The following ATR variants were observed in gnomAD, a reference collection of about 807,000 sequenced individuals.
The protein encoded by ATR is serine/threonine-protein kinase ATR.
Under a neutral mutation model 305.3 loss-of-function variants are expected in ATR, and 142 were observed. That is an observed-to-expected ratio of 0.47 (90% confidence interval 0.41 to 0.53). The LOEUF is 0.53. ATR is among the 20% of genes least tolerant of loss of function. The pLI, the probability that ATR is intolerant of heterozygous loss-of-function variation, is 0.00. For missense variants in ATR, 2,135 were observed against 3,133.1 expected (o/e 0.68, Z 7.60); for synonymous variants, 1,050 against 1,068.1 (o/e 0.98, Z 0.33).
At chr3:142,503,495 A>G (rs1160605370) in intron 29 of ATR, 42 bp from the exon 30 acceptor site, 6 of 1,333,738 alleles carry the variant, frequency 4.5e-6, no homozygotes, top group Non-Finnish European at 6.4e-6. Context: ...TATCACTTCA[A>G]TAATAGCTTG....
At chr3:142,512,792 T>C (rs908012593) in intron 26 of ATR, among the ~76,000 whole-genome samples, 1 of 151,898 alleles carries the variant, frequency 6.6e-6, no homozygotes, top group Non-Finnish European at 1.5e-5. Context: ...GAGGTGGAGG[T>C]TGCAGTGAGC....
intron 16 of ATR, among the ~76,000 whole-genome samples, chr3:142,543,656 C>CT (rs1273346626): frequency 6.7e-6 from 1 of 149,872 alleles, no homozygotes; most frequent in Non-Finnish European, 1.5e-5. Flanking sequence ...CTTTCTCTCT[C>CT]TTTTTTCTTT....
chr3:142,508,023 G>T lies in ATR; in HGVS notation c.4939C>A (p.Arg1647Ser). The T allele has an allele frequency of 6.2e-7, 1 of 1,613,150 alleles. No individual in the cohort carries two copies. Among genetic ancestry groups the T allele is most frequent in the Non-Finnish European group, 8.5e-7 (1 of 1,179,628 alleles). ...ACAGCTCGTGTGTATGCTTTGGAGC[G>T]AAAGGAAGCTACTGCCAGAGTATCC... The part of the protein sequence containing the change: ...PQDTLAVASF[R>S]SKAYTRAVMH... The change falls in exon 28 of 47, where the codon CGC becomes AGC. Residue 1647 changes from arginine to serine, a missense_variant. Physicochemically the swap from Arg to Ser is moderately radical, Grantham distance 110 (BLOSUM62 -1). Transcript: ENST00000350721.
chr3:142,479,734 T>C (rs1310068155), intron 36 of ATR, among the ~76,000 whole-genome samples: 3 of 152,222 alleles, frequency 2.0e-5, no homozygotes, highest in African/African-American at 4.8e-5. Flanking sequence ...CAATCAGACA[T>C]AGATTTGGTC....
chr3:142,519,645 A>G lies in ATR; in HGVS notation c.4382+24T>C, dbSNP rs2033057767. ...ATATAATTAAAAACAATTTTATGAA[A>G]ATACATTAAATAAGCCTACATACCT... On this transcript the variant is annotated intron_variant, in intron 24 of 46. Transcript: ENST00000350721. 3.2e-6 allele frequency: 5 copies of G among 1,560,468 alleles called. No homozygotes were observed. In the Admixed American group the frequency reaches 8.4e-5, roughly 26 times the overall value.
At chr3:142,508,652 G>A (rs1473197272) in intron 27 of ATR, among the ~76,000 whole-genome samples, 1 of 152,150 alleles carries the variant, frequency 6.6e-6, no homozygotes, top group Non-Finnish European at 1.5e-5. Flanking sequence ...GGCTGGGCAT[G>A]ATGGTTCACG....
chr3:142,549,486 T>C lies in ATR; in HGVS notation c.3164A>G (p.Tyr1055Cys). Reference sequence around the variant, plus strand: ...ATAGAAATATTCAATTACCTTCAGATAATGAAGGGCACGTTCTAATTCATC... The same window carrying C: ...ATAGAAATATTCAATTACCTTCAGACAATGAAGGGCACGTTCTAATTCATC... ...SKDELERALH[Y>C]LKNETEIELG... is the part of the protein sequence containing the mutation. Residue 1055 changes from tyrosine to cysteine, a missense_variant, in exon 15 of 47, where the codon TAT becomes TGT. Physicochemically the swap from Tyr to Cys is radical, Grantham distance 194 (BLOSUM62 -2). Around this residue, in one of 9 missense-constraint regions of ATR, gnomAD observed 530 missense variants for 766.8 expected, o/e 0.69. Transcript: ENST00000350721. 2 of 1,583,474 alleles carry C rather than the reference T, an allele frequency of 1.3e-6. No homozygotes were observed. The highest frequency in any genetic ancestry group is 8.6e-7 in the Non-Finnish European group (1 of 1,163,916).
At chr3:142,470,572 C>T (rs769519026) in intron 36 of ATR, among the ~76,000 whole-genome samples, 3 of 152,028 alleles carry the variant, frequency 2.0e-5, no homozygotes, top group African/African-American at 7.2e-5. Context: ...ACTTGGTCAC[C>T]CTAAATCCAT....
chr3:142,526,651 G>A (rs901681322), intron 21 of ATR, among the ~76,000 whole-genome samples: 4 of 151,746 alleles, frequency 2.6e-5, no homozygotes, highest in Non-Finnish European at 4.4e-5. Flanking sequence ...AAGTCTATTC[G>A]GCATCTATGG....
At position 142,482,980 on chromosome 3, in the gene ATR, CCTTT is replaced by C. The variant is rs755251770; in HGVS notation, c.6221+2156_6221+2159del. Among the ~76,000 whole-genome samples, 6 of 150,168 alleles carry C rather than the reference CCTTT, an allele frequency of 4.0e-5. No homozygotes were observed. In the South Asian group the frequency reaches 8.4e-4, roughly 21 times the overall value. On this transcript the variant is annotated intron_variant, in intron 36 of 46. Coordinates refer to ENST00000350721, the MANE Select transcript of ATR (RefSeq NM_001184.4). Reference sequence around the variant, plus strand: ...CAGGAGATCCTGAGAACATATGCCCCCTTTCTTTCTTTTTTTTTTTTCTTTCTTT... The same window carrying C: ...CAGGAGATCCTGAGAACATATGCCCCCTTTCTTTTTTTTTTTTCTTTCTTT...
intron 42 of ATR, among the ~76,000 whole-genome samples, chr3:142,460,780 A>T (rs1458561620): frequency 6.6e-6 from 1 of 152,188 alleles, no homozygotes; most frequent in African/African-American, 2.4e-5. Context: ...TATGAACTTT[A>T]AAAACGTCTT....
intron 16 of ATR, among the ~76,000 whole-genome samples, chr3:142,545,342 A>T (rs2034227941): frequency 6.6e-6 from 1 of 150,734 alleles, no homozygotes; most frequent in South Asian, 2.1e-4. Context: ...AATCTAAAGA[A>T]TGAGAAAGAT....
intron 21 of ATR, among the ~76,000 whole-genome samples, chr3:142,527,950 CAAG>C (rs1278852199): frequency 2.0e-5 from 3 of 152,158 alleles, no homozygotes; most frequent in Non-Finnish European, 4.4e-5. Flanking sequence ...TCTGTTTATT[CAAG>C]AATACCAAAG....
chr3:142,542,921 C>T (rs956728296), intron 16 of ATR, among the ~76,000 whole-genome samples, 164 bp from the exon 17 acceptor site: 4 of 152,058 alleles, frequency 2.6e-5, no homozygotes, highest in African/African-American at 4.8e-5. Flanking sequence ...TATATCTTCA[C>T]ATGTAGTATT....
rs79944079 is a variant in ATR, at chr3:142,517,121, G to A, written c.4383-1606C>T. ...AAATCCCTATTTTGAATCATCACGC[G>A]TATAGTTCTCTGGATGATTTTTATC... On this transcript the variant is annotated intron_variant, in intron 24 of 46. Coordinates refer to ENST00000350721, the MANE Select transcript of ATR (RefSeq NM_001184.4). Among the ~76,000 whole-genome samples, 901 of 151,182 alleles carry A rather than the reference G, an allele frequency of 6.0e-3. 9 individuals carry two copies. Among genetic ancestry groups the A allele is most frequent in the African/African-American group, 0.02 (841 of 41,264 alleles).
intron 36 of ATR, among the ~76,000 whole-genome samples, chr3:142,471,196 T>C (rs1182526802): frequency 1.3e-5 from 2 of 152,194 alleles, no homozygotes; most frequent in Non-Finnish European, 2.9e-5. Flanking sequence ...AGTGGAAACA[T>C]ACAGTATTTG....
chr3:142,470,828 G>T (rs75284442), intron 36 of ATR, among the ~76,000 whole-genome samples: 1 of 151,972 alleles, frequency 6.6e-6, no homozygotes, highest in Admixed American at 6.6e-5. Context: ...ACCACTCAAC[G>T]CTGTTTCTGG....
At chr3:142,449,896 CTTTGGAAGTGT>C in intron 46 of ATR, 1 of 431,392 alleles carries the variant, frequency 2.3e-6, no homozygotes, top group Non-Finnish European at 4.3e-6. Context: ...TTTAAATCTG[CTTTGGAAGTGT>C]TTAGGACTTA....
In ATR at chr3:142,498,587, T is replaced by G; in HGVS notation, c.5558+10A>C. The G allele has an allele frequency of 6.2e-7, 1 of 1,612,132 alleles. No homozygotes were observed. The highest frequency in any genetic ancestry group is 1.3e-5 in the African/African-American group (1 of 74,986). On this transcript the variant is annotated intron_variant, in intron 32 of 46. Transcript: ENST00000350721. ...AGGCCAGAAATATAAAAATGGAAAT[T>G]CCAAAATACCTCACAATATATTCAT... is the stretch of plus-strand genomic sequence containing the variant.
Sources: allele counts gnomAD v4.1 joint callset (sites outside exome capture counted in the v4.1 genomes callset), GRCh38; gene constraint gnomAD v4.1.1; regional missense constraint gnomAD v4.1.1; transcripts MANE v1.5; gene names NCBI Gene and HGNC (gene_info 2026-07-23, HGNC 2026-07-21).